PRR12: variants seen among roughly 807,000 people sequenced by gnomAD.
PRR12 encodes the protein proline rich 12.
PRR12 carries 12 observed loss-of-function variants against 138.0 expected under a neutral mutation model. The observed-to-expected ratio is 0.09, with a 90% CI of 0.06 to 0.14. PRR12 has a LOEUF of 0.14. PRR12 is among the 10% of genes least tolerant of loss of function. The pLI is 1.00. For missense variants in PRR12, 2,692 were observed against 2,861.3 expected (o/e 0.94, Z 1.35); for synonymous variants, 1,567 against 1,291.7 (o/e 1.21, Z -4.57).
chr19:49,623,047 C>T (rs1056451747), intron 11 of PRR12, among the ~76,000 whole-genome samples: 10 of 148,994 alleles, frequency 6.7e-5, no homozygotes, highest in Admixed American at 1.3e-4. Context: ...TTGGGATGAC[C>T]GAGAATTCTG....
At position 49,615,851 on chromosome 19, in the gene PRR12, C is replaced by T; in HGVS notation, c.5129C>T (p.Thr1710Ile). Reference sequence around the variant, plus strand: ...AAGCCTGAGACCCCTGAAAAGACGACATCTGAGAAGCCCCCAGAGCAGACT... The same window carrying T: ...AAGCCTGAGACCCCTGAAAAGACGATATCTGAGAAGCCCCCAGAGCAGACT... ...PPKPETPEKT[T>I]SEKPPEQTPE... is the part of the protein sequence containing the mutation. Residue 1710 changes from threonine to isoleucine, a missense_variant, in exon 9 of 14, where the codon ACA becomes ATA. Physicochemically the swap from Thr to Ile is moderately conservative, Grantham distance 89. Around this residue, in one of 11 missense-constraint regions of PRR12, gnomAD observed 259 missense variants for 265.1 expected, o/e 0.98. Transcript: ENST00000418929. 6.2e-7 allele frequency: 1 copy of T among 1,606,756 alleles called. No homozygotes were observed. The highest frequency in any genetic ancestry group is 8.5e-7 in the Non-Finnish European group (1 of 1,176,898).
In PRR12 at chr19:49,594,390, T is replaced by C; in HGVS notation, c.200-64T>C. On this transcript the variant is annotated intron_variant, in intron 2 of 13. Transcript: ENST00000418929. This position sits in a 1 kb window ranked among gnomAD's most constrained non-coding sequence, Gnocchi z 5.6. ...TCCAACTTGCTTTTGGCCTCTTCCC[T>C]TTCTCTCTTGACTGTATCCTACCCA... 1 of 1,460,058 alleles carries C rather than the reference T, an allele frequency of 6.8e-7. No homozygotes were observed. The highest frequency in any genetic ancestry group is 9.2e-7 in the Non-Finnish European group (1 of 1,087,944). 90.4% of individuals were successfully genotyped at this position (1,460,058 alleles called of 1,614,324 possible).
chr19:49,624,997 A>G lies in PRR12; in HGVS notation c.5868+7A>G. ...GAGCGTGGTCAGAGCCCAGGTGGGC[A>G]CTGGGGCTGGGGCTGGGAGTGGGGA... On this transcript the variant is annotated splice_region_variant and intron_variant, in intron 12 of 13. Transcript: ENST00000418929. 1 of 1,602,028 alleles carries G rather than the reference A, an allele frequency of 6.2e-7. No homozygotes were observed. Among genetic ancestry groups the G allele is most frequent in the Non-Finnish European group, 8.5e-7 (1 of 1,173,086 alleles).
chr19:49,606,661 T>TA (rs1369498018), intron 6 of PRR12, among the ~76,000 whole-genome samples: 1 of 149,516 alleles, frequency 6.7e-6, no homozygotes, highest in Non-Finnish European at 1.5e-5. Flanking sequence ...TTTTTTTTTT[T>TA]TTTGAGATGG....
chr19:49,599,189 A>G lies in PRR12; in HGVS notation c.3679-83A>G. The G allele has an allele frequency of 7.4e-7, 1 of 1,353,144 alleles. No individual in the cohort carries two copies. The highest frequency in any genetic ancestry group is 2.7e-5 in the Admixed American group (1 of 36,496). The allele number at this position is 1,353,144 out of a possible 1,614,324, so 83.8% of individuals were successfully genotyped here. On this transcript the variant is annotated intron_variant, in intron 4 of 13. Coordinates refer to ENST00000418929, the MANE Select transcript of PRR12 (RefSeq NM_020719.3). The surrounding 1 kb of genome is among the most constrained non-coding windows in gnomAD (Gnocchi z 5.0). ...AAATTCACAGGCTGAGCACCTGTAA[A>G]TTTGGATTTTTGGGGGCTGAGGGAG...
At position 49,625,301 on chromosome 19, in the gene PRR12, C is replaced by G; in HGVS notation, c.5964+101C>G. The G allele has an allele frequency of 6.8e-7, 1 of 1,474,350 alleles. No homozygotes were observed. Among genetic ancestry groups the G allele is most frequent in the Non-Finnish European group, 9.3e-7 (1 of 1,071,528 alleles). The allele number at this position is 1,474,350 out of a possible 1,614,324, so 91.3% of individuals were successfully genotyped here. ...GCCCAGCCCCATCCTGCCTCAGACC[C>G]AAGAGTTCAGGTCCTTCTGTCTTGG... is the stretch of plus-strand genomic sequence containing the variant. On this transcript the variant is annotated intron_variant, in intron 13 of 13. Transcript: ENST00000418929. This position sits in a 1 kb window ranked among gnomAD's most constrained non-coding sequence, Gnocchi z 5.5.
At chr19:49,601,353 A>G in intron 5 of PRR12, 138 bp from the exon 6 acceptor site, 1 of 613,750 alleles carries the variant, frequency 1.6e-6, no homozygotes, top group Non-Finnish European at 2.9e-6. Context: ...AGAGACTCTG[A>G]TAGGGTAGAA....
intron 6 of PRR12, among the ~76,000 whole-genome samples, chr19:49,612,404 G>T (rs940163422): frequency 6.6e-6 from 1 of 152,040 alleles, no homozygotes; most frequent in African/African-American, 2.4e-5. Flanking sequence ...GTGGGGCTTG[G>T]GGATTGACTG....
rs1392017275 is a variant in PRR12, at chr19:49,616,101, G to A, written c.5379G>A (p.Pro1793=). 6 of 1,566,658 alleles carry A rather than the reference G, an allele frequency of 3.8e-6. No individual in the cohort carries two copies. Among genetic ancestry groups the A allele is most frequent in the East Asian group, 2.4e-5 (1 of 42,264 alleles). ...KARPTKVKAE[P]PPKKRKKWLK... ...GGCCTACCAAGGTGAAGGCTGAACC[G>A]CCCCCTAAGAAGAGGAAGAAATGGC... The change falls in exon 9 of 14, where the codon CCG becomes CCA. Residue 1793 remains proline (P), a synonymous_variant. Coordinates refer to ENST00000418929, the MANE Select transcript of PRR12 (RefSeq NM_020719.3). This position sits in a 1 kb window ranked among gnomAD's most constrained non-coding sequence, Gnocchi z 4.2.
At chr19:49,591,870 C>G (rs2080730344) in intron 1 of PRR12, 130 bp downstream of exon 1, 1 of 500,938 alleles carries the variant, frequency 2.0e-6, no homozygotes, top group Admixed American at 4.4e-5. Flanking sequence ...AAGGGAGCGG[C>G]CTTCCTCGGT....
Position 49,615,828 on chromosome 19 carries a change from G to A in PRR12, c.5106G>A (p.Lys1702=). 1 of 1,612,004 alleles carries A rather than the reference G, an allele frequency of 6.2e-7. No individual in the cohort carries two copies. The highest frequency in any genetic ancestry group is 2.2e-5 in the East Asian group (1 of 44,840). ...PPPKAPAPPP[K]PETPEKTTSE... ...CTAAGGCCCCAGCACCACCTCCCAA[G>A]CCTGAGACCCCTGAAAAGACGACAT... Residue 1702 remains lysine, a synonymous_variant, in exon 9 of 14, where the codon AAG becomes AAA. Transcript: ENST00000418929.
chr19:49,619,618 C>A (rs545463529), intron 9 of PRR12, among the ~76,000 whole-genome samples: 1 of 146,568 alleles, frequency 6.8e-6, no homozygotes, highest in African/African-American at 2.5e-5. Flanking sequence ...CTCGGCTCAC[C>A]GCAACCTCCG....
chr19:49,606,972 T>A (rs1162925507), intron 6 of PRR12, among the ~76,000 whole-genome samples: 1 of 152,066 alleles, frequency 6.6e-6, no homozygotes, highest in African/African-American at 2.4e-5. Flanking sequence ...TGATTTTAAA[T>A]GTTTTCATTC....
chr19:49,613,892 T>A (rs2080878664), intron 6 of PRR12, among the ~76,000 whole-genome samples: 1 of 152,164 alleles, frequency 6.6e-6, no homozygotes, highest in Non-Finnish European at 1.5e-5. Context: ...GTGGATCACC[T>A]GAGGTCGGGA....
chr19:49,622,743 T>C (rs2080929777), intron 11 of PRR12, among the ~76,000 whole-genome samples: 1 of 149,726 alleles, frequency 6.7e-6, no homozygotes, highest in Admixed American at 6.7e-5. Context: ...TACAAAAAAA[T>C]TAGCTGGGCG....
chr19:49,624,116 A>T (rs912170196), intron 11 of PRR12, among the ~76,000 whole-genome samples: 2 of 149,332 alleles, frequency 1.3e-5, no homozygotes, highest in Non-Finnish European at 3.0e-5. Flanking sequence ...TGGGACCGAG[A>T]ATTCTGGGGT....
intron 6 of PRR12, among the ~76,000 whole-genome samples, chr19:49,606,264 A>G (rs554021315): frequency 1.7e-4 from 26 of 151,630 alleles, no homozygotes; most frequent in African/African-American, 6.3e-4. Flanking sequence ...TCAGCCTCCC[A>G]AAGTGCTGAG....
rs764566879 is a variant in PRR12, at chr19:49,596,305, G to A, written c.1970G>A (p.Gly657Glu). The A allele has an allele frequency of 3.7e-6, 6 of 1,611,314 alleles. No homozygotes were observed. Among genetic ancestry groups the A allele is most frequent in the Non-Finnish European group, 5.1e-6 (6 of 1,179,614 alleles). ...LQAPSPPRTS[G>E]ADGLVGEDGA... ...GCGCCCAGCCCTCCTCGGACCTCAG[G>A]GGCGGACGGCTTGGTGGGCGAGGAC... is the stretch of plus-strand genomic sequence containing the variant. Residue 657 changes from glycine to glutamate, a missense_variant, in exon 4 of 14, where the codon GGG (glycine) becomes GAG (glutamate). Transcript: ENST00000418929. The surrounding 1 kb of genome is among the most constrained non-coding windows in gnomAD (Gnocchi z 5.6).
At chr19:49,600,476 T>C (rs564840527) in intron 5 of PRR12, among the ~76,000 whole-genome samples, 1 of 134,628 alleles carries the variant, frequency 7.4e-6, no homozygotes, top group Non-Finnish European at 1.6e-5. Flanking sequence ...CAGAGGGGAG[T>C]GTTCAAAAAA....
Sources: allele counts gnomAD v4.1 joint callset (sites outside exome capture counted in the v4.1 genomes callset), GRCh38; gene constraint gnomAD v4.1.1; regional missense constraint gnomAD v4.1.1; non-coding constraint Gnocchi (gnomAD v3.1); transcripts MANE v1.5; gene names NCBI Gene and HGNC (gene_info 2026-07-23, HGNC 2026-07-21).